CNOT7: variants seen among roughly 807,000 people sequenced by gnomAD.
CNOT7 encodes BTG1-binding factor 1.
In CNOT7, 4 loss-of-function variants were observed where a neutral mutation model predicts 37.1. The ratio of observed to expected loss-of-function variants is 0.11; its 90% CI spans 0.05 to 0.25. The LOEUF is 0.25. Ranked by LOEUF, CNOT7 falls within the 10% of genes least tolerant of loss-of-function variation. The probability of loss-of-function intolerance (pLI) is 1.00; values close to 1 mark genes in which losing one functional copy is unlikely to be tolerated. For synonymous variants in CNOT7, 128 were observed against 115.6 expected (o/e 1.11, Z -0.69); for missense variants, 170 against 336.2 (o/e 0.51, Z 3.87).
intron 4 of CNOT7, 23 bp downstream of exon 4, chr8:17,237,189 C>T (rs766618023): frequency 6.2e-7 from 1 of 1,609,018 alleles, no homozygotes; most frequent in East Asian, 2.2e-5. Context: ...AAACAAATGC[C>T]ATTTTCAATG....
chr8:17,235,220 A>G (rs1333112656), intron 4 of CNOT7, among the ~76,000 whole-genome samples: 1 of 152,204 alleles, frequency 6.6e-6, no homozygotes, highest in Non-Finnish European at 1.5e-5. Context: ...TAACTATGGA[A>G]ATGGAGAAAT....
intron 1 of CNOT7, among the ~76,000 whole-genome samples, chr8:17,245,499 T>G (rs1256458671): frequency 6.6e-6 from 1 of 152,224 alleles, no homozygotes; most frequent in Non-Finnish European, 1.5e-5. Context: ...TAATCATATT[T>G]TATAACTTTC....
chr8:17,233,977 C>T (rs1484534969), intron 5 of CNOT7, among the ~76,000 whole-genome samples: 4 of 152,138 alleles, frequency 2.6e-5, no homozygotes, highest in Non-Finnish European at 5.9e-5. Flanking sequence ...TCACTTGAAC[C>T]CGGGAGGCGG....
chr8:17,226,628 C>CA lies in CNOT7; in HGVS notation c.*4091dup, dbSNP rs1019793972. 4 of 151,514 alleles carry CA rather than the reference C, an allele frequency of 2.6e-5. No homozygotes were observed. Among genetic ancestry groups the CA allele is most frequent in the Admixed American group, 1.3e-4 (2 of 15,186 alleles). The allele number at this position is 151,514 out of a possible 1,614,324, so 9.4% of individuals were successfully genotyped here. A position where few individuals can be genotyped will look rare whatever the true frequency, so the allele number is the denominator to read the frequency against. On this transcript the variant is annotated 3_prime_UTR_variant, in exon 7 of 7. Transcript: ENST00000361272. ...ATTTTCTTTGCACTGCATCAAGGTC[C>CA]AAAAAACTGCTACAGGAAAATATAT...
At chr8:17,237,628 A>C in intron 3 of CNOT7, 1 of 377,054 alleles carries the variant, frequency 2.7e-6, no homozygotes, top group Admixed American at 3.9e-5. Flanking sequence ...TATTAACTCT[A>C]TTAGCCTTTC....
intron 2 of CNOT7, chr8:17,244,195 G>A (rs1810572829): frequency 6.4e-6 from 1 of 157,390 alleles, no homozygotes; most frequent in Non-Finnish European, 1.4e-5. Flanking sequence ...GTAGCTAACA[G>A]ATATAGACAG....
intron 4 of CNOT7, among the ~76,000 whole-genome samples, chr8:17,236,743 TA>T (rs1405792561): frequency 6.6e-6 from 1 of 152,164 alleles, no homozygotes; most frequent in Non-Finnish European, 1.5e-5. Flanking sequence ...CATGAGAATA[TA>T]AACTCCATGA....
chr8:17,233,908 C>T (rs1808970829), intron 5 of CNOT7, among the ~76,000 whole-genome samples: 1 of 152,094 alleles, frequency 6.6e-6, no homozygotes. Flanking sequence ...CGAAATTTAG[C>T]TGGGTGTGGT....
chr8:17,230,916 T>G, intron 6 of CNOT7, 68 bp from the exon 7 acceptor site: 1 of 1,186,008 alleles, frequency 8.4e-7, no homozygotes, highest in South Asian at 1.5e-5. Context: ...TAATTTATAT[T>G]TCAGCAATGT....
chr8:17,245,009 G>T (rs187178007), intron 2 of CNOT7, 27 bp downstream of exon 2: 2 of 1,552,484 alleles, frequency 1.3e-6, no homozygotes, highest in African/African-American at 1.4e-5. Flanking sequence ...TATATGAAGC[G>T]TTTTAAAGAT....
At chr8:17,242,646 G>C (rs1297530248) in intron 3 of CNOT7, 1 of 166,904 alleles carries the variant, frequency 6.0e-6, no homozygotes, top group Non-Finnish European at 1.3e-5. Context: ...ATCTTCACAA[G>C]AAGGATAAAT....
intron 3 of CNOT7, chr8:17,241,362 G>A (rs1563206003): frequency 6.6e-6 from 1 of 151,246 alleles, no homozygotes; most frequent in Non-Finnish European, 1.5e-5. Flanking sequence ...TCCTGCCTTG[G>A]TCTCCAAATG....
intron 3 of CNOT7, among the ~76,000 whole-genome samples, chr8:17,238,829 T>C (rs569543833): frequency 6.6e-6 from 1 of 152,342 alleles, no homozygotes; most frequent in South Asian, 2.1e-4. Flanking sequence ...ATTCCTGTCT[T>C]TCTTTACATC....
intron 4 of CNOT7, among the ~76,000 whole-genome samples, chr8:17,235,091 C>A (rs948464858): frequency 6.6e-6 from 1 of 151,530 alleles, no homozygotes; most frequent in Non-Finnish European, 1.5e-5. Flanking sequence ...GATATCAACA[C>A]AGACCTACAC....
Position 17,246,728 on chromosome 8 carries a change from T to TCGGCGGCGGTGG in CNOT7, c.-161_-150dup. The TCGGCGGCGGTGG allele has an allele frequency of 5.3e-6, 1 of 189,528 alleles. No homozygotes were observed. The highest frequency in any genetic ancestry group is 6.2e-5 in the Admixed American group (1 of 16,094). 11.7% of individuals were successfully genotyped at this position (189,528 alleles called of 1,614,324 possible). A position where few individuals can be genotyped will look rare whatever the true frequency, so the allele number is the denominator to read the frequency against. On this transcript the variant is annotated 5_prime_UTR_variant, in exon 1 of 7. Transcript: ENST00000361272. ...CTCCTCCTCGCCATAGAGACAGCAC[T>TCGGCGGCGGTGG]CGGCGGCGGTGGCGGTGGCGGTGGC...
intron 1 of CNOT7, chr8:17,246,119 AC>A (rs1023563702): frequency 2.6e-5 from 4 of 152,224 alleles, no homozygotes; most frequent in African/African-American, 9.7e-5. Context: ...ACACATAAGC[AC>A]AAAAACACAA....
At position 17,226,697 on chromosome 8, in the gene CNOT7, C is replaced by T. The variant is rs774204925; in HGVS notation, c.*4023G>A. 3.3e-5 allele frequency: 5 copies of T among 151,754 alleles called. No individual in the cohort carries two copies. The highest frequency in any genetic ancestry group is 5.9e-5 in the Non-Finnish European group (4 of 67,720). 9.4% of individuals were successfully genotyped at this position (151,754 alleles called of 1,614,324 possible). A position where few individuals can be genotyped will look rare whatever the true frequency, so the allele number is the denominator to read the frequency against. ...GCAATACAGCGCTGTTTTGACTTCT[C>T]ATAGCACAGAAAGTATATAAAGCAG... On this transcript the variant is annotated 3_prime_UTR_variant, in exon 7 of 7. Transcript: ENST00000361272.
At chr8:17,236,539 T>TA (rs1256651011) in intron 4 of CNOT7, among the ~76,000 whole-genome samples, 3 of 152,200 alleles carry the variant, frequency 2.0e-5, no homozygotes, top group Non-Finnish European at 4.4e-5. Flanking sequence ...TTACTGTTTA[T>TA]AAAGTATTTT....
chr8:17,240,835 G>A (rs1288712950), intron 3 of CNOT7, among the ~76,000 whole-genome samples: 1 of 152,150 alleles, frequency 6.6e-6, no homozygotes, highest in Non-Finnish European at 1.5e-5. Flanking sequence ...AGTTTGAGTG[G>A]AGTACTTTGC....
Sources: gnomAD v4.1 joint callset for allele counts (sites outside exome capture counted in the v4.1 genomes callset) on GRCh38, gnomAD v4.1.1 for gene constraint, MANE v1.5 for transcripts, NCBI Gene and HGNC (gene_info 2026-07-23, HGNC 2026-07-21) for gene names.